The following MYH14 variants were observed in gnomAD, a reference collection of about 807,000 sequenced individuals.
MYH14 encodes the protein myosin-14.
A neutral mutation model predicts 255.5 loss-of-function variants in MYH14; 123 were observed. That is an observed-to-expected ratio of 0.48 (90% CI 0.42 to 0.56). The LOEUF is 0.56. Ranked by LOEUF, MYH14 falls within the 20% of genes least tolerant of loss-of-function variation. The pLI is 0.00. For missense variants in MYH14, 2,423 were observed against 2,802.3 expected (o/e 0.86, Z 3.06); for synonymous variants, 1,095 against 1,161.2 (o/e 0.94, Z 1.16).
At chr19:50,222,552 G>A (rs917095460) in intron 3 of MYH14, among the ~76,000 whole-genome samples, 19 of 151,284 alleles carry the variant, frequency 1.3e-4, no homozygotes, top group South Asian at 1.3e-3. Flanking sequence ...AGTGCTGATC[G>A]GTATTTGATT....
chr19:50,306,148 C>G (rs534956975), intron 40 of MYH14, among the ~76,000 whole-genome samples: 1 of 152,262 alleles, frequency 6.6e-6, no homozygotes, highest in Non-Finnish European at 1.5e-5. Context: ...TGTGGTGGCA[C>G]ATGCCTGTAA....
chr19:50,259,099 C>A, intron 18 of MYH14, 45 bp from the exon 19 acceptor site: 1 of 1,529,482 alleles, frequency 6.5e-7, no homozygotes, highest in Non-Finnish European at 8.8e-7. Context: ...TTGGCGCCCC[C>A]GTGTGGCCGC....
intron 3 of MYH14, among the ~76,000 whole-genome samples, chr19:50,218,914 C>T (rs973777823): frequency 5.3e-5 from 8 of 151,686 alleles, no homozygotes; most frequent in African/African-American, 1.9e-4. Context: ...CCAATTTCAT[C>T]CAGGTTGCTG....
chr19:50,225,556 C>T, intron 6 of MYH14, 29 bp from the exon 7 acceptor site: 1 of 1,594,948 alleles, frequency 6.3e-7, no homozygotes, highest in Non-Finnish European at 8.6e-7. Context: ...TTCTCACTGA[C>T]CTCATGCATC....
At position 50,281,654 on chromosome 19, in the gene MYH14, G is replaced by A. The variant is rs1485288941; in HGVS notation, c.4351G>A (p.Ala1451Thr). The change falls in exon 33 of 43, where the codon GCA (alanine) becomes ACA (threonine). Residue 1451 changes from alanine (A) to threonine (T), a missense_variant. This residue lies in a region of MYH14 where 1,513 missense variants were observed against 1,674.8 expected (regional missense o/e 0.90). Transcript: ENST00000642316. Reference sequence around the variant, plus strand: ...AGGGGCACTGGAGGCAGGGGAGGAGGCACGGCGCCGGGCAGCCCGGGAGGC... The same window carrying A: ...AGGGGCACTGGAGGCAGGGGAGGAGACACGGCGCCGGGCAGCCCGGGAGGC... Reference protein sequence around the residue: ...EAGALEAGEEARRRAAREAEA... With the variant: ...EAGALEAGEETRRRAAREAEA... 1 of 1,607,760 alleles carries A rather than the reference G, an allele frequency of 6.2e-7. No individual in the cohort carries two copies. Among genetic ancestry groups the A allele is most frequent in the Non-Finnish European group, 8.5e-7 (1 of 1,177,450 alleles).
intron 41 of MYH14, among the ~76,000 whole-genome samples, 157 bp downstream of exon 41, chr19:50,307,314 A>C (rs1338686169): frequency 1.3e-5 from 2 of 152,214 alleles, no homozygotes; most frequent in Admixed American, 6.5e-5. Flanking sequence ...CACTTGGCAC[A>C]TCAGCAGAGG....
At chr19:50,281,573 C>T in intron 32 of MYH14, 21 bp from the exon 33 acceptor site, 1 of 1,555,110 alleles carries the variant, frequency 6.4e-7, no homozygotes, top group Non-Finnish European at 8.7e-7. Flanking sequence ...CCACCAACCA[C>T]CCTCTCTCTC....
At chr19:50,259,811 G>C (rs1231587383) in intron 19 of MYH14, among the ~76,000 whole-genome samples, 2 of 152,140 alleles carry the variant, frequency 1.3e-5, no homozygotes, top group African/African-American at 4.8e-5. Context: ...CGGGAAGGGG[G>C]AGGTTGCAGT....
chr19:50,274,861 G>A (rs1229127870), intron 27 of MYH14, among the ~76,000 whole-genome samples: 1 of 151,166 alleles, frequency 6.6e-6, no homozygotes, highest in African/African-American at 2.4e-5. Flanking sequence ...AACCTGGGAA[G>A]TCGAGGCTGC....
Position 50,301,837 on chromosome 19 carries a change from C to T in MYH14, c.5646C>T (p.Ala1882=). ...TTGCTGCCCTTGAGTCTAAGTTGGC[C>T]CAGGCTGAGGAGCAGCTAGAGCAAG... The part of the protein sequence containing the change: ...MTIAALESKL[A]QAEEQLEQET... Residue 1882 remains alanine, a synonymous_variant, in exon 40 of 43, where the codon GCC becomes GCT. Coordinates refer to ENST00000642316, the MANE Select transcript of MYH14 (RefSeq NM_001145809.2). The T allele has an allele frequency of 6.2e-7, 1 of 1,613,402 alleles. No individual in the cohort carries two copies. Among genetic ancestry groups the T allele is most frequent in the Middle Eastern group, 1.6e-4 (1 of 6,062 alleles).
Position 50,280,116 on chromosome 19 carries a change from C to G in MYH14, c.4112C>G (p.Thr1371Arg). The G allele has an allele frequency of 6.2e-7, 1 of 1,607,494 alleles. No individual in the cohort carries two copies. Among genetic ancestry groups the G allele is most frequent in the Non-Finnish European group, 8.5e-7 (1 of 1,177,140 alleles). The change falls in exon 31 of 43, where the codon ACA becomes AGA. Residue 1371 changes from threonine to arginine, a missense_variant. This residue lies in a region of MYH14 where 1,513 missense variants were observed against 1,674.8 expected (regional missense o/e 0.90). Coordinates refer to ENST00000642316, the MANE Select transcript of MYH14 (RefSeq NM_001145809.2). This position sits in a 1 kb window ranked among gnomAD's most constrained non-coding sequence, Gnocchi z 4.8. Reference protein sequence around the residue: ...TIRLSKELSSTEAQLHDAQEL... With the variant: ...TIRLSKELSSREAQLHDAQEL... ...CGTCTTAGCAAGGAGCTGAGCAGCA[C>G]AGAAGCCCAGCTGCACGATGCCCAG...
chr19:50,267,039 T>C (rs1417662725), intron 23 of MYH14, 31 bp downstream of exon 23: 16 of 1,476,676 alleles, frequency 1.1e-5, no homozygotes, highest in Non-Finnish European at 1.4e-5. Flanking sequence ...CGTGGGGGCG[T>C]GTCTTCGGGG....
chr19:50,271,426 T>C lies in MYH14; in HGVS notation c.3051T>C (p.Leu1017=). The part of the protein sequence containing the change: ...QQHIQELEAH[L]EAEEGARQKL... ...CACCCCAGGAGCTAGAGGCCCACCT[T>C]GAGGCTGAGGAGGGTGCGCGGCAGA... The change falls in exon 25 of 43, where the codon CTT becomes CTC. Residue 1017 remains leucine (L), a synonymous_variant. Transcript: ENST00000642316. 6.2e-7 allele frequency: 1 copy of C among 1,604,674 alleles called. No homozygotes were observed. The highest frequency in any genetic ancestry group is 8.5e-7 in the Non-Finnish European group (1 of 1,175,890).
Position 50,263,321 on chromosome 19 carries a change from GA to G in MYH14, c.2597del (p.Lys866SerfsTer9). On this transcript the variant is annotated frameshift_variant, in exon 22 of 43. Transcript: ENST00000642316. LOFTEE classifies it high-confidence loss of function. ...RGYLARRAFQ[K>X]RQQQQSALRV... ...CCATTTCCCCACCCAGGGCCTTCCAGAAGCGCCAGCAGCAGCAGAGCGCCCT... is the reference window on the plus strand; with the variant it reads ...CCATTTCCCCACCCAGGGCCTTCCAGAGCGCCAGCAGCAGCAGAGCGCCCT... 1 of 1,558,318 alleles carries G rather than the reference GA, an allele frequency of 6.4e-7. No homozygotes were observed. Among genetic ancestry groups the G allele is most frequent in the Non-Finnish European group, 8.7e-7 (1 of 1,150,830 alleles).
chr19:50,268,207 C>A lies in MYH14; in HGVS notation c.2873C>A (p.Ala958Glu). ...CTGGCAGAGCAATTGCGAGCAGAGG[C>A]AGAACTGTGTGCAGAGGCCGAGGAG... ...ARLAEQLRAE[A>E]ELCAEAEETR... The change falls in exon 24 of 43, where the codon GCA (alanine) becomes GAA (glutamate). Residue 958 changes from alanine (A) to glutamate (E), a missense_variant. By Grantham distance (107) the Ala-to-Glu change is moderately radical. This residue lies in a region of MYH14 where 1,513 missense variants were observed against 1,674.8 expected (regional missense o/e 0.90). Coordinates refer to ENST00000642316, the MANE Select transcript of MYH14 (RefSeq NM_001145809.2). 6.4e-7 allele frequency: 1 copy of A among 1,556,320 alleles called. No individual in the cohort carries two copies. The highest frequency in any genetic ancestry group is 8.7e-7 in the Non-Finnish European group (1 of 1,151,076).
intron 20 of MYH14, 108 bp downstream of exon 20, chr19:50,260,823 G>GTA: frequency 1.5e-6 from 1 of 675,808 alleles, no homozygotes; most frequent in Non-Finnish European, 2.4e-6. Context: ...GTGTGTGCAA[G>GTA]TGTGTGTGCA....
intron 11 of MYH14, 67 bp downstream of exon 11, chr19:50,244,404 A>G (rs1003647120): frequency 8.1e-6 from 10 of 1,241,922 alleles, no homozygotes; most frequent in Non-Finnish European, 1.2e-5. Context: ...GCCCTCCTGC[A>G]CCCCTGTCCC....
Position 50,293,628 on chromosome 19 carries a change from G to C in MYH14, c.5410G>C (p.Glu1804Gln), listed in dbSNP as rs760011988. 6.2e-7 allele frequency: 1 copy of C among 1,612,732 alleles called. No individual in the cohort carries two copies. Among genetic ancestry groups the C allele is most frequent in the South Asian group, 1.1e-5 (1 of 90,848 alleles). ...GRLGQLEEEL[E>Q]EEQSNSELLN... ...CCTGGGGCAGTTGGAGGAAGAGCTG[G>C]AGGAGGAGCAGAGCAACTCGGAGCT... Residue 1804 changes from glutamate (E) to glutamine (Q), a missense_variant, in exon 39 of 43, where the codon GAG (glutamate) becomes CAG (glutamine). Physicochemically the swap from Glu to Gln is conservative, Grantham distance 29. Around this residue, in one of 3 missense-constraint regions of MYH14, gnomAD observed 1,513 missense variants for 1,674.8 expected, o/e 0.90. Coordinates refer to ENST00000642316, the MANE Select transcript of MYH14 (RefSeq NM_001145809.2). The surrounding 1 kb of genome is among the most constrained non-coding windows in gnomAD (Gnocchi z 4.1).
intron 10 of MYH14, among the ~76,000 whole-genome samples, chr19:50,234,221 A>T (rs1489925042): frequency 1.3e-5 from 2 of 152,148 alleles, no homozygotes; most frequent in African/African-American, 4.8e-5. Context: ...TAGATCCCCA[A>T]CATGCTTTTT....
Sources: allele counts gnomAD v4.1 joint callset (sites outside exome capture counted in the v4.1 genomes callset), GRCh38; gene constraint gnomAD v4.1.1; regional missense constraint gnomAD v4.1.1; non-coding constraint Gnocchi (gnomAD v3.1); transcripts MANE v1.5; gene names NCBI Gene and HGNC (gene_info 2026-07-23, HGNC 2026-07-21).